The following CYP24A1 variants were observed in gnomAD, a reference collection of about 807,000 sequenced individuals.
CYP24A1 encodes cytochrome P450 family 24 subfamily A member 1.
A neutral mutation model predicts 62.4 loss-of-function variants in CYP24A1; 68 were observed. The ratio of observed to expected loss-of-function variants is 1.09; its 90% CI spans 0.90 to 1.33. CYP24A1 has a LOEUF of 1.33. Ranked by LOEUF, CYP24A1 falls within the 40% of genes most tolerant of loss-of-function variation. The pLI, the probability that CYP24A1 is intolerant of heterozygous loss-of-function variation, is 0.00. For missense variants in CYP24A1, 787 were observed against 653.0 expected, an observed-to-expected ratio of 1.21 and a Z score of -2.24; for synonymous variants, 267 against 253.0, an observed-to-expected ratio of 1.06 and a Z score of -0.52.
chr20:54,167,070 C>A (rs938739702), intron 4 of CYP24A1, among the ~76,000 whole-genome samples: 2 of 152,092 alleles, frequency 1.3e-5, no homozygotes, highest in African/African-American at 4.8e-5. Context: ...CTGCAACCAA[C>A]TTTTTAGTGG....
chr20:54,150,386 T>G (rs533387608), downstream of CYP24A1, among the ~76,000 whole-genome samples: 2 of 151,216 alleles, frequency 1.3e-5, no homozygotes, highest in South Asian at 4.2e-4. Context: ...CAGGCTGAAG[T>G]GAAGTGGCAT....
chr20:54,153,065 A>G (rs1353263117), downstream of CYP24A1, among the ~76,000 whole-genome samples: 1 of 152,140 alleles, frequency 6.6e-6, no homozygotes, highest in Non-Finnish European at 1.5e-5. Context: ...AGGGGCTGAA[A>G]TGGTTCGTAA....
chr20:54,168,909 CT>C (rs2092684053), intron 4 of CYP24A1, among the ~76,000 whole-genome samples: 1 of 137,596 alleles, frequency 7.3e-6, no homozygotes, highest in Non-Finnish European at 1.6e-5. Context: ...GTCTCTCTCT[CT>C]TTCTTGAGAC....
chr20:54,153,411 T>G (rs1177169857), downstream of CYP24A1: 1 of 152,252 alleles, frequency 6.6e-6, no homozygotes, highest in East Asian at 1.9e-4. Context: ...TGTTTTTATT[T>G]TGTTGTAACA....
chr20:54,169,188 C>T (rs1056200155), intron 4 of CYP24A1, among the ~76,000 whole-genome samples: 28 of 152,146 alleles, frequency 1.8e-4, no homozygotes, highest in African/African-American at 6.0e-4. Flanking sequence ...TAGGCATGTG[C>T]CACCATGCCT....
At position 54,173,391 on chromosome 20, in the gene CYP24A1, G is replaced by C. The variant is rs1568976533; in HGVS notation, c.189C>G (p.Ser63Arg). 6.3e-7 allele frequency: 1 copy of C among 1,590,914 alleles called. No homozygotes were observed. Among genetic ancestry groups the C allele is most frequent in the South Asian group, 1.1e-5 (1 of 88,260 alleles). The change falls in exon 1 of 12, where the codon AGC becomes AGG. Residue 63 changes from serine to arginine, a missense_variant. By Grantham distance (110) the Ser-to-Arg change is moderately radical. Coordinates refer to ENST00000216862, the MANE Select transcript of CYP24A1 (RefSeq NM_000782.5). This position sits in a 1 kb window ranked among gnomAD's most constrained non-coding sequence, Gnocchi z 7.2. ...GCAGCAGGCTGCCCAGCAGTGGCCA[G>C]CTGGTGGGGCCCGGCAGGGCGGCCG... ...QNAAALPGPT[S>R]WPLLGSLLQI...
chr20:54,147,577 AT>A, the CYP24A1 span, among the ~76,000 whole-genome samples: 2 of 152,232 alleles, frequency 1.3e-5, no homozygotes, highest in African/African-American at 4.8e-5. Context: ...GGTGCATCTC[AT>A]CCCACAACTG....
At chr20:54,146,617 T>C in the CYP24A1 span, among the ~76,000 whole-genome samples, 2 of 152,362 alleles carry the variant, frequency 1.3e-5, no homozygotes, top group East Asian at 3.9e-4. Flanking sequence ...ATTTATTTTG[T>C]CTTCCTGATC....
intron 3 of CYP24A1, among the ~76,000 whole-genome samples, 192 bp downstream of exon 3, chr20:54,171,385 G>A (rs1267935984): frequency 1.3e-5 from 2 of 152,182 alleles, no homozygotes; most frequent in African/African-American, 2.4e-5. Context: ...TTAAAAGAGG[G>A]TGGAGGAGGG....
intron 2 of CYP24A1, 124 bp from the exon 3 acceptor site, chr20:54,171,794 T>G: frequency 6.3e-7 from 1 of 1,576,734 alleles, no homozygotes; most frequent in Non-Finnish European, 8.6e-7. Context: ...TGCCAAGAAA[T>G]AGCCAGAGAA....
chr20:54,162,680 C>G, intron 7 of CYP24A1, 37 bp downstream of exon 7: 1 of 1,365,536 alleles, frequency 7.3e-7, no homozygotes, highest in East Asian at 2.3e-5. Context: ...TGGTACAGAC[C>G]GTTCATTTAG....
At chr20:54,166,975 G>A (rs1601140284) in intron 4 of CYP24A1, among the ~76,000 whole-genome samples, 1 of 152,132 alleles carries the variant, frequency 6.6e-6, no homozygotes, top group East Asian at 1.9e-4. Flanking sequence ...GGAGGCCGAG[G>A]TTGCAGTGGG....
downstream of CYP24A1, among the ~76,000 whole-genome samples, chr20:54,149,941 T>G (rs2092610113): frequency 6.6e-6 from 1 of 152,120 alleles, no homozygotes; most frequent in Non-Finnish European, 1.5e-5. Flanking sequence ...GCCAACTACT[T>G]TAGGTTGTTT....
intron 7 of CYP24A1, among the ~76,000 whole-genome samples, chr20:54,160,239 C>G (rs6022992): frequency 0.013 from 2,038 of 152,290 alleles, 50 homozygotes; most frequent in African/African-American, 0.047. Context: ...AGGCCCACAC[C>G]CTTTTAAGTG....
chr20:54,158,836 C>T, intron 8 of CYP24A1, 121 bp downstream of exon 8: 1 of 1,515,856 alleles, frequency 6.6e-7, no homozygotes, highest in Non-Finnish European at 8.9e-7. Flanking sequence ...GATTTTTTTG[C>T]AGTGTGATAA....
chr20:54,169,659 A>G lies in CYP24A1; in HGVS notation c.573T>C (p.Asp191=). ...CGTGGCCTCTTTCATCACAGAGCTCATCTATTCTGCCCATAAAATCGGCCA... is the reference window on the plus strand; with the variant it reads ...CGTGGCCTCTTTCATCACAGAGCTCGTCTATTCTGCCCATAAAATCGGCCA... ...EVLADFMGRI[D]ELCDERGHVE... The change falls in exon 4 of 12, where the codon GAT becomes GAC. Residue 191 remains aspartate, a synonymous_variant. Coordinates refer to ENST00000216862, the MANE Select transcript of CYP24A1 (RefSeq NM_000782.5). The G allele has an allele frequency of 6.2e-7, 1 of 1,614,224 alleles. No individual in the cohort carries two copies. Among genetic ancestry groups the G allele is most frequent in the East Asian group, 2.2e-5 (1 of 44,892 alleles).
At position 54,158,959 on chromosome 20, in the gene CYP24A1, C is replaced by T; in HGVS notation, c.1155G>A (p.Met385Ile). 7 of 1,614,176 alleles carry T rather than the reference C, an allele frequency of 4.3e-6. No individual in the cohort carries two copies. Among genetic ancestry groups the T allele is most frequent in the Non-Finnish European group, 5.9e-6 (7 of 1,180,020 alleles). ...PYLKACLKES[M>I]RLTPSVPFTT... is the part of the protein sequence containing the mutation. ...TTGGCTCAGAGATAGGCTCTTACCT[C>T]ATAGATTCTTTCAGACAGGCTTTTA... The change falls in exon 8 of 12, where the codon ATG becomes ATA. Residue 385 changes from methionine to isoleucine, a missense_variant and splice_region_variant. By Grantham distance (10) the Met-to-Ile change is conservative. Transcript: ENST00000216862.
At position 54,173,133 on chromosome 20, in the gene CYP24A1, C is replaced by T. The variant is rs1443044568; in HGVS notation, c.259-34G>A. On this transcript the variant is annotated intron_variant, in intron 1 of 11. Coordinates refer to ENST00000216862, the MANE Select transcript of CYP24A1 (RefSeq NM_000782.5). This position sits in a 1 kb window ranked among gnomAD's most constrained non-coding sequence, Gnocchi z 7.2. Reference sequence around the variant, plus strand: ...GGCCGGGCACAGCGCGGTGTCAGCGCGCATCCTCCGCCGTGCCCGAAGCGC... The same window carrying T: ...GGCCGGGCACAGCGCGGTGTCAGCGTGCATCCTCCGCCGTGCCCGAAGCGC... 4 of 1,597,402 alleles carry T rather than the reference C, an allele frequency of 2.5e-6. No homozygotes were observed. The highest frequency in any genetic ancestry group is 2.2e-5 in the East Asian group (1 of 44,862).
In CYP24A1 at chr20:54,155,447, T is replaced by C. The variant is rs531764923; in HGVS notation, c.*11-686A>G. Among the ~76,000 whole-genome samples the C allele has an allele frequency of 2.0e-5, 3 of 152,230 alleles. No individual in the cohort carries two copies. In the South Asian group the frequency reaches 6.2e-4, roughly 32 times the overall value. On this transcript the variant is annotated intron_variant, in intron 11 of 11. Transcript: ENST00000216862. ...AGCCATATGTTACAAATGTCTTATT[T>C]CCACCACCAGGGGTGGTGGCTCACA...
Sources: allele counts gnomAD v4.1 joint callset (sites outside exome capture counted in the v4.1 genomes callset), GRCh38; gene constraint gnomAD v4.1.1; non-coding constraint Gnocchi (gnomAD v3.1); transcripts MANE v1.5; gene names NCBI Gene and HGNC (gene_info 2026-07-23, HGNC 2026-07-21).